LPA: variants seen among roughly 807,000 people sequenced by gnomAD.
LPA encodes apolipoprotein(a).
Under a neutral mutation model 197.9 loss-of-function variants are expected in LPA, and 199 were observed. The observed-to-expected ratio is 1.01, with a 90% CI of 0.90 to 1.13. The LOEUF is 1.13. LPA is among the 50% of genes most tolerant of loss of function. LPA has a pLI of 0.00. For missense variants in LPA, 1,853 were observed against 1,785.8 expected, an observed-to-expected ratio of 1.04 and a Z score of -0.68; for synonymous variants, 715 against 639.5, an observed-to-expected ratio of 1.12 and a Z score of -1.78.
chr6:160,599,386 G>A (rs907133294), intron 20 of LPA, 114 bp downstream of exon 20: 1 of 1,467,726 alleles, frequency 6.8e-7, no homozygotes, highest in African/African-American at 1.4e-5. Flanking sequence ...CACAGGAAAT[G>A]TTCCTCTGCA....
intron 2 of LPA, 136 bp downstream of exon 2, chr6:160,650,202 A>G (rs1779977625): frequency 7.3e-6 from 6 of 817,290 alleles, no homozygotes; most frequent in Non-Finnish European, 1.3e-5. Context: ...TGCTCAAAGT[A>G]ATGTTTCTCA....
At chr6:160,584,414 C>T (rs1222461378) in intron 26 of LPA, among the ~76,000 whole-genome samples, 1 of 149,072 alleles carries the variant, frequency 6.7e-6, no homozygotes, top group African/African-American at 2.5e-5. Flanking sequence ...TCACAGCAAA[C>T]TCTGAATCCC....
chr6:160,589,822 C>T, intron 23 of LPA, 110 bp from the exon 24 acceptor site: 5 of 1,258,602 alleles, frequency 4.0e-6, no homozygotes, highest in Admixed American at 1.8e-5. Context: ...GACGACCATG[C>T]TCTGTTCTAC....
In LPA at chr6:160,539,999, A is replaced by G. The variant is rs867445743; in HGVS notation, c.5735+44T>C. ...CCCATAAAACCCAGACATAAAGCAA[A>G]TATCTTCACCAGCGTGGGGTGAAGA... On this transcript the variant is annotated intron_variant, in intron 36 of 38. Coordinates refer to ENST00000316300, the MANE Select transcript of LPA (RefSeq NM_005577.4). 4 of 1,613,964 alleles carry G rather than the reference A, an allele frequency of 2.5e-6. No individual in the cohort carries two copies. The South Asian group carries it at 4.4e-5, about 18-fold the overall frequency.
intron 22 of LPA, 118 bp downstream of exon 22, chr6:160,593,840 T>C: frequency 1.6e-6 from 2 of 1,285,438 alleles, no homozygotes; most frequent in Admixed American, 1.7e-5. Flanking sequence ...TGAGACATTC[T>C]ACCCAACATT....
intron 1 of LPA, among the ~76,000 whole-genome samples, chr6:160,658,050 G>A (rs1284819338): frequency 6.6e-6 from 1 of 152,094 alleles, no homozygotes; most frequent in Non-Finnish European, 1.5e-5. Context: ...CTCAGGGAAG[G>A]CCATCACTGT....
At chr6:160,594,551 C>T (rs1415324368) in intron 21 of LPA, among the ~76,000 whole-genome samples, 1 of 152,170 alleles carries the variant, frequency 6.6e-6, no homozygotes, top group African/African-American at 2.4e-5. Flanking sequence ...AAGCCAAAGC[C>T]TTCAGCTTCT....
rs558307919 is a variant in LPA, at chr6:160,547,056, G to T, written c.5304+733C>A. 7.2e-4 allele frequency among the ~76,000 whole-genome samples: 110 copies of T among 152,244 alleles called. 1 individual carries two copies. Among genetic ancestry groups the T allele is most frequent in the African/African-American group, 2.4e-3 (101 of 41,546 alleles). ...GTTTCATAAAAGGCAATTTTTCTGT[G>T]CACCTGGGGTGAGGGGGCGATGGTT... On this transcript the variant is annotated intron_variant, in intron 32 of 38. Transcript: ENST00000316300.
intron 26 of LPA, among the ~76,000 whole-genome samples, chr6:160,583,373 C>T (rs1331542134): frequency 1.3e-5 from 2 of 152,114 alleles, no homozygotes; most frequent in East Asian, 1.9e-4. Flanking sequence ...TCTTTTTAGA[C>T]TTGGTTTCTA....
chr6:160,647,359 C>T (rs1300527917), intron 2 of LPA, among the ~76,000 whole-genome samples: 1 of 152,172 alleles, frequency 6.6e-6, no homozygotes, highest in Non-Finnish European at 1.5e-5. Context: ...GTTGCTCCAA[C>T]CTCTCAGTAT....
intron 24 of LPA, 23 bp from the exon 25 acceptor site, chr6:160,586,653 G>T (rs1290272124): frequency 1.2e-6 from 2 of 1,613,126 alleles, no homozygotes; most frequent in Admixed American, 1.7e-5. Context: ...AAACAATACA[G>T]GTCACCAGAG....
chr6:160,545,140 A>G, intron 33 of LPA, among the ~76,000 whole-genome samples: 1 of 152,078 alleles, frequency 6.6e-6, no homozygotes, highest in East Asian at 1.9e-4. Context: ...CTAGACAAAG[A>G]AGGGTTCGGT....
chr6:160,586,330 G>A, intron 25 of LPA, 119 bp downstream of exon 25: 2 of 1,208,864 alleles, frequency 1.7e-6, no homozygotes, highest in East Asian at 2.4e-5. Context: ...CCCATTGGCT[G>A]TCCATGACTT....
At chr6:160,563,823 T>C (rs1326498690) in intron 28 of LPA, among the ~76,000 whole-genome samples, 1 of 152,248 alleles carries the variant, frequency 6.6e-6, no homozygotes, top group Non-Finnish European at 1.5e-5. Context: ...GGTAATGCCC[T>C]CCTTTGTCTC....
chr6:160,566,212 T>A (rs1778451586), intron 28 of LPA, among the ~76,000 whole-genome samples: 1 of 152,006 alleles, frequency 6.6e-6, no homozygotes, highest in African/African-American at 2.4e-5. Flanking sequence ...GAAGAGTAAC[T>A]CCAAGACACA....
chr6:160,568,660 T>C (rs1778507135), intron 28 of LPA, among the ~76,000 whole-genome samples: 1 of 152,164 alleles, frequency 6.6e-6, no homozygotes, highest in Non-Finnish European at 1.5e-5. Flanking sequence ...GAGAAGGAAA[T>C]AAAGGGTATT....
chr6:160,581,425 G>GGGACTGAGGC (rs1778799691), intron 26 of LPA, among the ~76,000 whole-genome samples: 1 of 151,962 alleles, frequency 6.6e-6, no homozygotes, highest in Non-Finnish European at 1.5e-5. Flanking sequence ...TCAGCTTCCT[G>GGGACTGAGGC]AATAGCTGGG....
chr6:160,541,408 A>G (rs1777980064), intron 34 of LPA, among the ~76,000 whole-genome samples: 1 of 152,212 alleles, frequency 6.6e-6, no homozygotes, highest in African/African-American at 2.4e-5. Flanking sequence ...TGAGGCAAGA[A>G]TAGGCACAGC....
At chr6:160,654,049 TAATATATTATA>T (rs1562354954) in intron 1 of LPA, among the ~76,000 whole-genome samples, 1 of 9,512 alleles carries the variant, frequency 1.1e-4, no homozygotes, top group Non-Finnish European at 1.6e-4. Context: ...ATATAATATA[TAATATATTATA>T]TATATTATAT....
Sources: gnomAD v4.1 joint callset for allele counts (sites outside exome capture counted in the v4.1 genomes callset) on GRCh38, gnomAD v4.1.1 for gene constraint, MANE v1.5 for transcripts, NCBI Gene and HGNC (gene_info 2026-07-23, HGNC 2026-07-21) for gene names.